Variants in SLC9B1 observed in about 807,000 individuals in gnomAD.
The protein encoded by SLC9B1 is sodium/hydrogen exchanger 9B1.
In SLC9B1, 32 loss-of-function variants were observed where a neutral mutation model predicts 51.7. That is an observed-to-expected ratio of 0.62 (90% CI 0.47 to 0.83). SLC9B1 has a LOEUF of 0.83. Ranked by LOEUF, SLC9B1 falls within the 40% of genes least tolerant of loss-of-function variation. The pLI is 0.00. For synonymous variants in SLC9B1, 145 were observed against 212.7 expected, an observed-to-expected ratio of 0.68 and a Z score of 2.77; for missense variants, 406 against 613.2, an observed-to-expected ratio of 0.66 and a Z score of 3.57.
chr4:102,982,585 C>G (rs1198282529), intron 3 of SLC9B1, among the ~76,000 whole-genome samples: 1 of 151,986 alleles, frequency 6.6e-6, no homozygotes, highest in East Asian at 1.9e-4. Context: ...ATAGTTATTA[C>G]TCAAATAGAT....
At chr4:102,951,114 C>T (rs1392440655) in intron 3 of SLC9B1, among the ~76,000 whole-genome samples, 3 of 152,168 alleles carry the variant, frequency 2.0e-5, no homozygotes, top group African/African-American at 7.2e-5. Context: ...CTCTGGGTGG[C>T]AAAGTCTTTT....
chr4:102,904,036 A>G (rs2110424225), intron 11 of SLC9B1, among the ~76,000 whole-genome samples: 1 of 152,210 alleles, frequency 6.6e-6, no homozygotes, highest in South Asian at 2.1e-4. Context: ...TTTTTTAAAA[A>G]ATCAATGTGT....
At chr4:103,018,664 AG>A (rs34705380) in intron 1 of SLC9B1, among the ~76,000 whole-genome samples, 87,254 of 151,914 alleles carry the variant, frequency 0.57, 26,327 homozygotes, top group African/African-American at 0.77. Context: ...ACACCCATAG[AG>A]GGGGAGTGAG....
downstream of SLC9B1, among the ~76,000 whole-genome samples, chr4:102,898,638 A>T (rs1022248311): frequency 8.5e-5 from 13 of 152,254 alleles, no homozygotes; most frequent in African/African-American, 2.4e-4. Context: ...TTTGGATTAT[A>T]AAATTTTGCT....
chr4:102,963,667 A>C (rs1345890883), intron 3 of SLC9B1, among the ~76,000 whole-genome samples: 1 of 152,216 alleles, frequency 6.6e-6, no homozygotes, highest in Non-Finnish European at 1.5e-5. Flanking sequence ...AAAAAATTTC[A>C]AAAATGGCCC....
chr4:102,888,300 C>T (rs188111609), intron 11 of SLC9B1: 1 of 152,288 alleles, frequency 6.6e-6, no homozygotes, highest in African/African-American at 2.4e-5. Context: ...ACGCTAGGGA[C>T]TGGTTCCAGG....
At chr4:102,929,907 A>C (rs1282111688) in intron 7 of SLC9B1, among the ~76,000 whole-genome samples, 6 of 152,248 alleles carry the variant, frequency 3.9e-5, no homozygotes, top group Non-Finnish European at 7.3e-5. Flanking sequence ...GATTTTCACA[A>C]TTGACAATAA....
rs1329442431 is a variant in SLC9B1 at position 102,895,246 on chromosome 4, T to G, written c.1333-9918A>C. Among the ~76,000 whole-genome samples the G allele has an allele frequency of 5.9e-5, 9 of 151,922 alleles. 1 individual carries two copies. The highest frequency in any genetic ancestry group is 5.9e-4 in the Admixed American group (9 of 15,250). On this transcript the variant is annotated intron_variant, in intron 11 of 11. Coordinates refer to the SLC9B1 transcript ENST00000394789. ...AAATTAATATATGAAAATAAACAAT[T>G]CAAAGAAAACAAAATTGGACCCTCA... is the stretch of plus-strand genomic sequence containing the variant.
intron 7 of SLC9B1, among the ~76,000 whole-genome samples, chr4:102,928,077 G>C (rs984843351): frequency 9.9e-5 from 15 of 152,030 alleles, no homozygotes; most frequent in African/African-American, 3.1e-4. Flanking sequence ...GGCCTGTCGG[G>C]GGGTGGAGGG....
At chr4:102,924,150 C>G (rs559014965) in intron 7 of SLC9B1, among the ~76,000 whole-genome samples, 9 of 152,222 alleles carry the variant, frequency 5.9e-5, no homozygotes, top group Non-Finnish European at 1.2e-4. Flanking sequence ...TACCTGACTT[C>G]AAACTACACT....
intron 6 of SLC9B1, among the ~76,000 whole-genome samples, chr4:102,934,041 G>A (rs1285477807): frequency 6.6e-6 from 1 of 152,168 alleles, no homozygotes. Context: ...AAAGTGCTGG[G>A]ATTATAGGTG....
At chr4:102,906,327 G>A (rs1250696898) in intron 10 of SLC9B1, 1 of 305,660 alleles carries the variant, frequency 3.3e-6, no homozygotes, top group Non-Finnish European at 5.9e-6. Flanking sequence ...GATAACTCAG[G>A]GAATATATTC....
intron 2 of SLC9B1, 63 bp downstream of exon 2, chr4:102,991,580 G>C (rs547680071): frequency 9.1e-7 from 1 of 1,104,602 alleles, no homozygotes; most frequent in East Asian, 2.8e-5. Flanking sequence ...AGTAAATTAG[G>C]AATAAATTTT....
At chr4:102,967,836 A>G (rs543497204) in intron 3 of SLC9B1, among the ~76,000 whole-genome samples, 1 of 152,350 alleles carries the variant, frequency 6.6e-6, no homozygotes, top group East Asian at 1.9e-4. Flanking sequence ...AAACCTTTGC[A>G]CTGAAAACTA....
chr4:102,975,634 A>T (rs28636930), intron 3 of SLC9B1, among the ~76,000 whole-genome samples: 1 of 129,066 alleles, frequency 7.7e-6, no homozygotes, highest in Admixed American at 8.7e-5. Flanking sequence ...GTGGTGCAAT[A>T]TCGGCTCACT....
At chr4:102,914,224 GCACT>G (rs1735477294) in intron 7 of SLC9B1, among the ~76,000 whole-genome samples, 34 of 114,438 alleles carry the variant, frequency 3.0e-4, no homozygotes, top group East Asian at 7.6e-4. Context: ...CAGTCTGGGT[GCACT>G]GGATGAATCA....
At position 102,912,868 on chromosome 4, in the gene SLC9B1, C is replaced by T. The variant is rs908069480; in HGVS notation, c.830-1331G>A. ...GATCCTGTCTCAAGAAAATAAAATA[C>T]AATAAAAATAAAAAATAATATAAAC... On this transcript the variant is annotated intron_variant, in intron 7 of 11. Transcript: ENST00000296422. 6.6e-5 allele frequency among the ~76,000 whole-genome samples: 10 copies of T among 152,046 alleles called. 1 individual carries two copies. Among genetic ancestry groups the T allele is most frequent in the African/African-American group, 2.4e-4 (10 of 41,492 alleles).
downstream of SLC9B1, among the ~76,000 whole-genome samples, chr4:102,899,631 C>T (rs528086708): frequency 1.7e-3 from 258 of 152,090 alleles, no homozygotes; most frequent in Non-Finnish European, 1.7e-3. Context: ...TCAGGTTGGT[C>T]TCGAACTCCT....
rs367979429 is a variant in SLC9B1, at chr4:102,986,474, G to C, written c.211+3326C>G. 6.6e-5 allele frequency among the ~76,000 whole-genome samples: 10 copies of C among 152,046 alleles called. No individual in the cohort carries two copies. In the East Asian group the frequency reaches 1.7e-3, roughly 26 times the overall value. ...GTCTGTTTGGACATTTACCCTGTTT[G>C]GTCTTTTCTGGGCTTCCAGAATCTG... On this transcript the variant is annotated intron_variant, in intron 3 of 11. Coordinates refer to ENST00000296422, the MANE Select transcript of SLC9B1 (RefSeq NM_139173.4).
Sources: allele counts gnomAD v4.1 joint callset (sites outside exome capture counted in the v4.1 genomes callset), GRCh38; gene constraint gnomAD v4.1.1; transcripts MANE v1.5; gene names NCBI Gene and HGNC (gene_info 2026-07-23, HGNC 2026-07-21).